The following SPOP variants were observed in gnomAD, a reference collection of about 807,000 sequenced individuals.
SPOP encodes speckle type BTB/POZ protein.
SPOP carries 11 observed loss-of-function variants against 45.6 expected under a neutral mutation model. The observed-to-expected ratio is 0.24, with a 90% CI of 0.15 to 0.40. SPOP has a LOEUF of 0.40. Among genes scored for constraint, SPOP ranks in the 10% least tolerant of loss-of-function variants. The pLI is 1.00. For missense variants in SPOP, 152 were observed against 465.6 expected (o/e 0.33, Z 6.20); for synonymous variants, 166 against 166.3 (o/e 1.00, Z 0.01).
chr17:49,650,770 G>A (rs911101757), intron 1 of SPOP, among the ~76,000 whole-genome samples: 1 of 152,188 alleles, frequency 6.6e-6, no homozygotes, highest in Non-Finnish European at 1.5e-5. Context: ...TTTGAATAAA[G>A]TGATGGAAGT....
At chr17:49,633,100 A>G (rs1278906197) in intron 1 of SPOP, among the ~76,000 whole-genome samples, 5 of 152,352 alleles carry the variant, frequency 3.3e-5, no homozygotes, top group African/African-American at 1.2e-4. Context: ...GCATAGTATT[A>G]TGTGTTCAAG....
chr17:49,648,787 C>G (rs1254732721), intron 1 of SPOP, among the ~76,000 whole-genome samples: 1 of 152,194 alleles, frequency 6.6e-6, no homozygotes, highest in African/African-American at 2.4e-5. Flanking sequence ...GAGACGGAGT[C>G]TCACTGTGTT....
At chr17:49,657,054 G>A (rs1477409561) in intron 1 of SPOP, among the ~76,000 whole-genome samples, 7 of 151,786 alleles carry the variant, frequency 4.6e-5, no homozygotes, top group East Asian at 3.9e-4. Context: ...ACATGGTGGC[G>A]GGCGCCTGTA....
chr17:49,630,196 A>G (rs1177168781), intron 1 of SPOP, among the ~76,000 whole-genome samples: 2 of 152,242 alleles, frequency 1.3e-5, no homozygotes, highest in African/African-American at 2.4e-5. Context: ...GCAAAAACAA[A>G]CAAACAAAAA....
chr17:49,662,410 G>A (rs1003891457), intron 1 of SPOP, among the ~76,000 whole-genome samples: 39 of 152,128 alleles, frequency 2.6e-4, no homozygotes, highest in Admixed American at 2.0e-3. Flanking sequence ...GGCCAGGCGC[G>A]GTGGCTCACG....
chr17:49,617,699 G>A (rs1010603948), intron 5 of SPOP, among the ~76,000 whole-genome samples: 4 of 152,044 alleles, frequency 2.6e-5, no homozygotes, highest in East Asian at 1.9e-4. Flanking sequence ...TGAGGCAGGC[G>A]GATCACTTGA....
At chr17:49,658,279 T>C (rs2072941702) in intron 1 of SPOP, among the ~76,000 whole-genome samples, 1 of 152,254 alleles carries the variant, frequency 6.6e-6, no homozygotes, top group Admixed American at 6.5e-5. Context: ...TAGTTAACTC[T>C]GTATGGTGGG....
intron 1 of SPOP, among the ~76,000 whole-genome samples, chr17:49,667,385 T>C (rs1196229852): frequency 1.3e-5 from 2 of 148,750 alleles, no homozygotes; most frequent in Non-Finnish European, 3.0e-5. Context: ...AAGTAAGGAG[T>C]TCGAGACCAG....
intron 6 of SPOP, among the ~76,000 whole-genome samples, chr17:49,610,429 G>C (rs1012276661): frequency 2.0e-5 from 3 of 152,164 alleles, no homozygotes; most frequent in African/African-American, 7.2e-5. Context: ...ATGTTGACCA[G>C]GCTGGTCTCG....
intron 1 of SPOP, among the ~76,000 whole-genome samples, chr17:49,667,751 T>TA (rs2143562460): frequency 6.6e-6 from 1 of 152,308 alleles, no homozygotes; most frequent in East Asian, 1.9e-4. Context: ...TCTGGGCATA[T>TA]ACCCAAAAGA....
At chr17:49,634,700 C>G (rs926229513) in intron 1 of SPOP, among the ~76,000 whole-genome samples, 1 of 152,146 alleles carries the variant, frequency 6.6e-6, no homozygotes, top group Non-Finnish European at 1.5e-5. Context: ...TTATAGAAGC[C>G]AAATTCAACA....
intron 1 of SPOP, among the ~76,000 whole-genome samples, chr17:49,664,340 A>G (rs2073025531): frequency 6.6e-6 from 1 of 152,234 alleles, no homozygotes; most frequent in South Asian, 2.1e-4. Context: ...ATGAAAATCT[A>G]GCTGCCTTCC....
chr17:49,609,468 A>T (rs1363134799), intron 6 of SPOP, among the ~76,000 whole-genome samples: 1 of 152,170 alleles, frequency 6.6e-6, no homozygotes, highest in East Asian at 1.9e-4. Flanking sequence ...AACGGGAATA[A>T]ATGAAATCAC....
chr17:49,661,592 T>C (rs2072988361), intron 1 of SPOP, among the ~76,000 whole-genome samples: 1 of 152,204 alleles, frequency 6.6e-6, no homozygotes, highest in Non-Finnish European at 1.5e-5. Flanking sequence ...AATACTGCTT[T>C]AATCCCCCAC....
intron 1 of SPOP, among the ~76,000 whole-genome samples, chr17:49,624,244 A>G (rs1442439839): frequency 3.3e-5 from 5 of 152,022 alleles, no homozygotes; most frequent in Admixed American, 6.6e-5. Flanking sequence ...ATACTTAATA[A>G]TATCGTATTG....
chr17:49,660,739 C>T (rs1356071793), intron 1 of SPOP, among the ~76,000 whole-genome samples: 6 of 152,216 alleles, frequency 3.9e-5, no homozygotes, highest in East Asian at 1.9e-4. Context: ...CCGAGACAGG[C>T]GGATCACGAG....
Position 49,622,906 on chromosome 17 carries a change from T to C in SPOP, c.-66-30A>G, listed in dbSNP as rs535770410. The C allele has an allele frequency of 4.1e-6, 4 of 972,492 alleles. No homozygotes were observed. The African/African-American group carries it at 6.5e-5, about 16-fold the overall frequency. The allele number at this position is 972,492 out of a possible 1,614,324, so 60.2% of individuals were successfully genotyped here. ...TCAGATCCAAGAAGCAAGAAAACTT[T>C]ATTAGATTATTAAGATACGATCCTA... On this transcript the variant is annotated intron_variant, in intron 1 of 9. Coordinates refer to ENST00000504102, the MANE Select transcript of SPOP (RefSeq NM_001007228.2).
intron 1 of SPOP, among the ~76,000 whole-genome samples, chr17:49,660,535 G>A (rs757204001): frequency 5.3e-5 from 8 of 152,084 alleles, no homozygotes; most frequent in East Asian, 1.9e-4. Context: ...ATGAGAGTAG[G>A]GATTTTTGTC....
chr17:49,633,897 G>C (rs73987368), intron 1 of SPOP, among the ~76,000 whole-genome samples: 152 of 152,060 alleles, frequency 1.0e-3, no homozygotes, highest in African/African-American at 3.5e-3. Context: ...GGAGGATCCA[G>C]CAGAATAATG....
Sources: allele counts gnomAD v4.1 joint callset (sites outside exome capture counted in the v4.1 genomes callset), GRCh38; gene constraint gnomAD v4.1.1; transcripts MANE v1.5; gene names NCBI Gene and HGNC (gene_info 2026-07-23, HGNC 2026-07-21).